CD163L1: variants seen among roughly 807,000 people sequenced by gnomAD.
The protein encoded by CD163L1 is CD163 molecule like 1, also known as scavenger receptor cysteine-rich type 1 protein M160.
A neutral mutation model predicts 165.4 loss-of-function variants in CD163L1; 124 were observed. That is an observed-to-expected ratio of 0.75 (90% CI 0.65 to 0.87). The LOEUF (loss-of-function observed/expected upper bound fraction) is 0.87. CD163L1 is among the 40% of genes least tolerant of loss of function. The pLI, the probability that CD163L1 is intolerant of heterozygous loss-of-function variation, is 0.00. For synonymous variants in CD163L1, 585 were observed against 662.2 expected (o/e 0.88, Z 1.79); for missense variants, 1,525 against 1,799.9 (o/e 0.85, Z 2.76).
rs1008192946 is a variant in CD163L1 at position 7,396,374 on chromosome 12, G to A, written c.1771C>T (p.Arg591Cys). The A allele has an allele frequency of 3.7e-6, 6 of 1,610,602 alleles. No homozygotes were observed. The highest frequency in any genetic ancestry group is 1.3e-5 in the African/African-American group (1 of 74,876). Residue 591 changes from arginine to cysteine, a missense_variant, in exon 8 of 20, where the codon CGC becomes TGC. Physicochemically the swap from Arg to Cys is radical, Grantham distance 180. Coordinates refer to ENST00000313599, the MANE Select transcript of CD163L1 (RefSeq NM_174941.6). ...TACACCTCCAGTCTTCCCGAGCAGC[G>A]GTTGCTGCCGCCCACCAGCCTCAGG... ...WGLRLVGGSN[R>C]CSGRLEVYFQ...
Position 7,437,015 on chromosome 12 carries a change from A to C in CD163L1, c.125-3321T>G, listed in dbSNP as rs548266661. On this transcript the variant is annotated intron_variant, in intron 2 of 19. Transcript: ENST00000313599. ...ATATAGGTAATAACCAATATATAAA[A>C]TATAATGAAATAATTTTCTTGAAAC... Among the ~76,000 whole-genome samples, 34 of 150,712 alleles carry C rather than the reference A, an allele frequency of 2.3e-4. No individual in the cohort carries two copies. The South Asian group carries it at 6.9e-3, about 30-fold the overall frequency.
In CD163L1 at chr12:7,378,962, T is replaced by C; in HGVS notation, c.2371+16A>G. ...AAATAATTAAATAAATGTGTTTATC[T>C]TTGTCCAGAAATTACCTGAGCAGAT... On this transcript the variant is annotated intron_variant, in intron 9 of 19. Transcript: ENST00000313599. The C allele has an allele frequency of 6.3e-7, 1 of 1,585,846 alleles. No homozygotes were observed. The highest frequency in any genetic ancestry group is 8.6e-7 in the Non-Finnish European group (1 of 1,162,208).
intron 8 of CD163L1, among the ~76,000 whole-genome samples, chr12:7,381,119 CTA>C (rs943714060): frequency 7.2e-5 from 11 of 152,020 alleles, no homozygotes; most frequent in African/African-American, 1.2e-4. Flanking sequence ...TATTAAATGT[CTA>C]TGTGATATCA....
chr12:7,366,510 T>C (rs1204756168), intron 18 of CD163L1, among the ~76,000 whole-genome samples: 2 of 152,174 alleles, frequency 1.3e-5, no homozygotes, highest in Non-Finnish European at 2.9e-5. Flanking sequence ...ACCTAGAAAC[T>C]ATGTACATCA....
rs1270808933 is a variant in CD163L1 at position 7,379,002 on chromosome 12, T to C, written c.2347A>G (p.Met783Val). The C allele has an allele frequency of 6.2e-7, 1 of 1,606,452 alleles. No individual in the cohort carries two copies. The highest frequency in any genetic ancestry group is 2.2e-5 in the East Asian group (1 of 44,658). ...EWKQTACHLN[M>V]EASLICSAHR... ...CCTGAGCAGATCAAACTTGCTTCCA[T>C]ATTTAAATGACACGCAGTCTGTTTC... The change falls in exon 9 of 20, where the codon ATG (methionine) becomes GTG (valine). Residue 783 changes from methionine (M) to valine (V), a missense_variant. Coordinates refer to ENST00000313599, the MANE Select transcript of CD163L1 (RefSeq NM_174941.6).
chr12:7,437,490 C>G (rs1375085550), intron 2 of CD163L1, among the ~76,000 whole-genome samples: 1 of 151,778 alleles, frequency 6.6e-6, no homozygotes, highest in African/African-American at 2.4e-5. Flanking sequence ...CCCTGCTCCC[C>G]CCACCCCATG....
At chr12:7,421,057 G>GTATATATACGTATATATATACGTA (rs772067194) in intron 4 of CD163L1, among the ~76,000 whole-genome samples, 1 of 79,398 alleles carries the variant, frequency 1.3e-5, no homozygotes, top group East Asian at 4.7e-4. Context: ...ATGTATATAC[G>GTATATATACGTATATATATACGTA]TATATATGTA....
chr12:7,387,040 T>C (rs1947535082), intron 8 of CD163L1, among the ~76,000 whole-genome samples: 1 of 152,206 alleles, frequency 6.6e-6, no homozygotes, highest in African/African-American at 2.4e-5. Flanking sequence ...AAATTGTCCA[T>C]CTTTGCAGAT....
the CD163L1 span, among the ~76,000 whole-genome samples, chr12:7,338,895 C>T: frequency 1.3e-5 from 2 of 152,132 alleles, no homozygotes; most frequent in Non-Finnish European, 2.9e-5. Context: ...AACCAGGAGC[C>T]AGTTTATTCC....
At chr12:7,412,130 C>G (rs1429656000) in intron 4 of CD163L1, among the ~76,000 whole-genome samples, 1 of 152,156 alleles carries the variant, frequency 6.6e-6, no homozygotes, top group African/African-American at 2.4e-5. Flanking sequence ...TAGGACATTC[C>G]TTTTTGAATC....
the CD163L1 span, among the ~76,000 whole-genome samples, chr12:7,321,353 T>TTTAC: frequency 6.6e-6 from 1 of 152,238 alleles, no homozygotes; most frequent in Non-Finnish European, 1.5e-5. Context: ...AGTTGCAATG[T>TTTAC]ATATTTGTTT....
At chr12:7,440,103 T>C (rs1948802120) in intron 2 of CD163L1, 2 of 809,528 alleles carry the variant, frequency 2.5e-6, no homozygotes, top group Non-Finnish European at 4.0e-6. Flanking sequence ...AGCCGACCAA[T>C]GGCGGGCTTG....
intron 9 of CD163L1, among the ~76,000 whole-genome samples, chr12:7,378,268 A>G (rs79126434): frequency 0.032 from 4,829 of 152,192 alleles, 77 homozygotes; most frequent in South Asian, 0.064. Context: ...AAAATTCCGT[A>G]TCTTCCCTAG....
the CD163L1 span, among the ~76,000 whole-genome samples, chr12:7,321,061 G>A: frequency 3.9e-5 from 6 of 152,072 alleles, 1 homozygote; most frequent in Admixed American, 2.6e-4. Context: ...AGACACTGCC[G>A]AATGTCTTCT....
chr12:7,366,502 C>T (rs1462393314), intron 18 of CD163L1, among the ~76,000 whole-genome samples: 1 of 151,908 alleles, frequency 6.6e-6, no homozygotes, highest in Non-Finnish European at 1.5e-5. Context: ...TCACATGTAC[C>T]TAGAAACTAT....
chr12:7,406,177 G>A (rs1176246619), intron 5 of CD163L1, among the ~76,000 whole-genome samples: 1 of 152,110 alleles, frequency 6.6e-6, no homozygotes, highest in Non-Finnish European at 1.5e-5. Context: ...TATGCAAAGT[G>A]ATTACACATT....
At chr12:7,430,969 C>A (rs1948617690) in intron 4 of CD163L1, among the ~76,000 whole-genome samples, 1 of 152,104 alleles carries the variant, frequency 6.6e-6, no homozygotes, top group South Asian at 2.1e-4. Context: ...CTGCAAAAAA[C>A]ATCACTTCAG....
chr12:7,441,204 A>G lies in CD163L1; in HGVS notation c.74T>C (p.Val25Ala). The G allele has an allele frequency of 6.2e-7, 1 of 1,614,166 alleles. No homozygotes were observed. ...CCCHQNLFSA[V>A]VTCILLLNSC... ...ATTCAGGAGCAGGATGCAAGTTACCACAGCAGAGAAAAGGTTCTGATGACA... is the reference window on the plus strand; with the variant it reads ...ATTCAGGAGCAGGATGCAAGTTACCGCAGCAGAGAAAAGGTTCTGATGACA... The change falls in exon 2 of 20, where the codon GTG (valine) becomes GCG (alanine). Residue 25 changes from valine (V) to alanine (A), a missense_variant. Val to Ala is a moderately conservative substitution (Grantham distance 64). Coordinates refer to ENST00000313599, the MANE Select transcript of CD163L1 (RefSeq NM_174941.6).
At chr12:7,349,587 A>G (rs1487309950) in intron 4 of CD163L1, among the ~76,000 whole-genome samples, 1 of 152,230 alleles carries the variant, frequency 6.6e-6, no homozygotes, top group Non-Finnish European at 1.5e-5. Context: ...GAAAAGATGT[A>G]TAAGGGTCAT....
Sources: gnomAD v4.1 joint callset for allele counts (sites outside exome capture counted in the v4.1 genomes callset) on GRCh38, gnomAD v4.1.1 for gene constraint, MANE v1.5 for transcripts, NCBI Gene and HGNC (gene_info 2026-07-23, HGNC 2026-07-21) for gene names.